Variants in PABPC4L observed in about 807,000 individuals in gnomAD.
The protein encoded by PABPC4L is poly(A) binding protein cytoplasmic 4 like.
For synonymous variants in PABPC4L, 169 were observed against 164.1 expected, an observed-to-expected ratio of 1.03 and a Z score of -0.23; for missense variants, 452 against 451.4, an observed-to-expected ratio of 1.00 and a Z score of -0.01.
the PABPC4L span, among the ~76,000 whole-genome samples, chr4:134,157,801 T>A: frequency 6.6e-6 from 1 of 152,012 alleles, no homozygotes; most frequent in East Asian, 1.9e-4. Flanking sequence ...AGTGAAATTT[T>A]GGATTTTACA....
chr4:133,952,176 G>A, the PABPC4L span, among the ~76,000 whole-genome samples: 1 of 152,150 alleles, frequency 6.6e-6, no homozygotes, highest in Non-Finnish European at 1.5e-5. Context: ...AATTCCTCCA[G>A]GACGTTTTCT....
the PABPC4L span, among the ~76,000 whole-genome samples, chr4:133,954,853 G>T: frequency 6.6e-6 from 1 of 152,120 alleles, no homozygotes; most frequent in Non-Finnish European, 1.5e-5. Context: ...GAACGAGCTG[G>T]TTAATGATAT....
At chr4:133,988,686 A>T in the PABPC4L span, among the ~76,000 whole-genome samples, 1 of 152,096 alleles carries the variant, frequency 6.6e-6, no homozygotes, top group Non-Finnish European at 1.5e-5. Flanking sequence ...TTGTCAGTGG[A>T]TCTACCATTC....
chr4:134,120,914 C>G, the PABPC4L span, among the ~76,000 whole-genome samples: 55 of 151,330 alleles, frequency 3.6e-4, no homozygotes. Flanking sequence ...TTTTTCTCCT[C>G]TCTCCTCTGT....
At chr4:134,153,064 C>G in the PABPC4L span, among the ~76,000 whole-genome samples, 1 of 152,144 alleles carries the variant, frequency 6.6e-6, no homozygotes, top group African/African-American at 2.4e-5. Context: ...TCCCGTGACA[C>G]AAACACTTTC....
chr4:134,047,753 A>C, the PABPC4L span, among the ~76,000 whole-genome samples: 1 of 150,352 alleles, frequency 6.7e-6, no homozygotes, highest in Non-Finnish European at 1.5e-5. Flanking sequence ...ATAGTGCCTG[A>C]GGTAGGCAGG....
chr4:134,050,489 G>A, the PABPC4L span, among the ~76,000 whole-genome samples: 24 of 152,182 alleles, frequency 1.6e-4, no homozygotes, highest in African/African-American at 5.8e-4. Flanking sequence ...TGGATCACCT[G>A]AGGTGAGGAG....
chr4:134,164,566 A>C, the PABPC4L span, among the ~76,000 whole-genome samples: 3 of 152,274 alleles, frequency 2.0e-5, no homozygotes, highest in South Asian at 6.2e-4. Context: ...AATATTCTTA[A>C]AAAATGTGAA....
chr4:134,009,864 C>A, the PABPC4L span, among the ~76,000 whole-genome samples: 4 of 152,098 alleles, frequency 2.6e-5, no homozygotes, highest in Non-Finnish European at 1.5e-5. Context: ...TCAAAGAGGA[C>A]AGTTCTACAT....
chr4:134,067,280 G>A, the PABPC4L span, among the ~76,000 whole-genome samples: 2 of 151,972 alleles, frequency 1.3e-5, no homozygotes, highest in Non-Finnish European at 2.9e-5. Flanking sequence ...GTTTCCAATA[G>A]TTTATCCATT....
At chr4:134,062,943 T>C in the PABPC4L span, among the ~76,000 whole-genome samples, 12 of 152,120 alleles carry the variant, frequency 7.9e-5, no homozygotes, top group South Asian at 2.1e-4. Context: ...ATGTTAATGC[T>C]TCATGTTTAA....
chr4:133,999,011 A>C, the PABPC4L span, among the ~76,000 whole-genome samples: 11 of 152,066 alleles, frequency 7.2e-5, no homozygotes, highest in Non-Finnish European at 1.5e-4. Context: ...AGATGAAAGG[A>C]CTGTTCTTAT....
chr4:133,987,151 A>AT, the PABPC4L span, among the ~76,000 whole-genome samples: 2 of 151,944 alleles, frequency 1.3e-5, no homozygotes, highest in Non-Finnish European at 2.9e-5. Flanking sequence ...TTTGCTAGGG[A>AT]TTTGGTTTTG....
chr4:134,054,710 T>A, the PABPC4L span, among the ~76,000 whole-genome samples: 2 of 152,078 alleles, frequency 1.3e-5, no homozygotes, highest in African/African-American at 4.8e-5. Flanking sequence ...GAGCTGTTTA[T>A]GCATTGGTAG....
At chr4:134,133,835 A>T in the PABPC4L span, among the ~76,000 whole-genome samples, 34 of 151,944 alleles carry the variant, frequency 2.2e-4, no homozygotes, top group South Asian at 1.0e-3. Flanking sequence ...ATTTTTTTTT[A>T]AATTAGAATT....
chr4:133,987,642 G>GT, the PABPC4L span, among the ~76,000 whole-genome samples: 1 of 152,048 alleles, frequency 6.6e-6, no homozygotes, highest in East Asian at 1.9e-4. Flanking sequence ...AAGACCTTTG[G>GT]TCTTAAAAAG....
At chr4:134,122,785 T>A in the PABPC4L span, among the ~76,000 whole-genome samples, 1 of 151,968 alleles carries the variant, frequency 6.6e-6, no homozygotes, top group Non-Finnish European at 1.5e-5. Context: ...TACATTTCCT[T>A]TTTATTAATT....
the PABPC4L span, among the ~76,000 whole-genome samples, chr4:134,123,481 C>G: frequency 1.3e-5 from 2 of 151,998 alleles, no homozygotes; most frequent in Non-Finnish European, 2.9e-5. Context: ...GTGTTTGGTG[C>G]AGTGCACATG....
the PABPC4L span, among the ~76,000 whole-genome samples, chr4:134,083,162 A>G: frequency 6.6e-6 from 1 of 152,266 alleles, no homozygotes; most frequent in South Asian, 2.1e-4. Context: ...TCCTAAATTA[A>G]CATGCCTGCC....
Sources: allele counts gnomAD v4.1 joint callset (sites outside exome capture counted in the v4.1 genomes callset), GRCh38; gene constraint gnomAD v4.1.1; transcripts MANE v1.5; gene names NCBI Gene and HGNC (gene_info 2026-07-23, HGNC 2026-07-21).